Variants in GBE1 observed in about 807,000 individuals in gnomAD.
GBE1 encodes the protein 1,4-alpha-glucan-branching enzyme.
GBE1 carries 70 observed loss-of-function variants against 88.8 expected under a neutral mutation model. That is an observed-to-expected ratio of 0.79 (90% confidence interval 0.65 to 0.96). The LOEUF (loss-of-function observed/expected upper bound fraction) is 0.96. GBE1 is among the 40% of genes least tolerant of loss of function. The pLI is 0.00. For missense variants in GBE1, 872 were observed against 871.0 expected (o/e 1.00, Z -0.01); for synonymous variants, 284 against 300.1 (o/e 0.95, Z 0.56).
At position 81,585,510 on chromosome 3, in the gene GBE1, G is replaced by GA. The variant is rs149594264; in HGVS notation, c.1335+581dup. On this transcript the variant is annotated intron_variant, in intron 10 of 15. Transcript: ENST00000429644. ...TTAGTCCTTTAGGCAAACATTAAAT[G>GA]AAAAAAAAACAAAAAACACCAAACT... Among the ~76,000 whole-genome samples, 1,158 of 146,192 alleles carry GA rather than the reference G, an allele frequency of 7.9e-3. 14 individuals carry two copies. Among genetic ancestry groups the GA allele is most frequent in the African/African-American group, 0.024 (940 of 39,828 alleles).
At chr3:81,547,732 G>A (rs1239166208) in intron 12 of GBE1, among the ~76,000 whole-genome samples, 1 of 150,120 alleles carries the variant, frequency 6.7e-6, no homozygotes, top group African/African-American at 2.4e-5. Flanking sequence ...CTCTGTAAAG[G>A]TTTGATTAAT....
chr3:81,580,169 C>T (rs1446367974), intron 11 of GBE1, among the ~76,000 whole-genome samples: 1 of 152,078 alleles, frequency 6.6e-6, no homozygotes, highest in Admixed American at 6.6e-5. Context: ...TTATTGTCTA[C>T]ATTTTAATCT....
At chr3:81,592,143 G>A (rs1703887794) in intron 8 of GBE1, among the ~76,000 whole-genome samples, 1 of 152,062 alleles carries the variant, frequency 6.6e-6, no homozygotes, top group South Asian at 2.1e-4. Flanking sequence ...ATGTGTATGT[G>A]TGTGTGCGCG....
At chr3:81,596,836 G>C (rs1322934536) in intron 7 of GBE1, among the ~76,000 whole-genome samples, 1 of 151,814 alleles carries the variant, frequency 6.6e-6, no homozygotes, top group Admixed American at 6.6e-5. Flanking sequence ...TCTCATACAG[G>C]AATGAACTAG....
Position 81,501,951 on chromosome 3 carries a change from G to A in GBE1, c.1935-2724C>T, listed in dbSNP as rs1463523897. ...TGAGCCCAAGCAATCTGCCCACCTC[G>A]GCCTCTTAAAGTGCTGGGATTAATG... On this transcript the variant is annotated intron_variant, in intron 14 of 15. Coordinates refer to ENST00000429644, the MANE Select transcript of GBE1 (RefSeq NM_000158.4). Among the ~76,000 whole-genome samples, 8 of 150,106 alleles carry A rather than the reference G, an allele frequency of 5.3e-5. No individual in the cohort carries two copies. The East Asian group carries it at 7.8e-4, about 15-fold the overall frequency.
intron 7 of GBE1, among the ~76,000 whole-genome samples, chr3:81,616,593 CTATAACTA>C (rs1704251413): frequency 1.3e-5 from 2 of 152,098 alleles, no homozygotes; most frequent in Admixed American, 1.3e-4. Flanking sequence ...GTCTTGATTA[CTATAACTA>C]TATAAGAGTA....
At chr3:81,728,807 G>T (rs948613723) in intron 1 of GBE1, among the ~76,000 whole-genome samples, 1 of 152,026 alleles carries the variant, frequency 6.6e-6, no homozygotes, top group Admixed American at 6.6e-5. Flanking sequence ...TATACACAAA[G>T]ATGTATAACA....
intron 1 of GBE1, among the ~76,000 whole-genome samples, chr3:81,750,544 T>C (rs1377783138): frequency 1.2e-5 from 1 of 86,048 alleles, no homozygotes; most frequent in Non-Finnish European, 2.0e-5. Context: ...TATACGTATA[T>C]ATATATGTAT....
intron 3 of GBE1, among the ~76,000 whole-genome samples, chr3:81,654,265 A>G (rs1351433139): frequency 2.6e-5 from 4 of 152,168 alleles, no homozygotes; most frequent in African/African-American, 9.6e-5. Context: ...TATTTAGAAC[A>G]TGTCATTTAA....
chr3:81,689,922 A>G (rs918978686), intron 2 of GBE1, among the ~76,000 whole-genome samples: 19 of 152,102 alleles, frequency 1.2e-4, no homozygotes, highest in African/African-American at 4.3e-4. Context: ...GAGGATCCCT[A>G]TTTCCCATTT....
intron 2 of GBE1, among the ~76,000 whole-genome samples, chr3:81,693,804 A>G (rs2107148015): frequency 6.6e-6 from 1 of 152,268 alleles, no homozygotes; most frequent in South Asian, 2.1e-4. Context: ...ATAGTGAATT[A>G]CATGTGAATA....
chr3:81,667,652 T>C (rs1705131827), intron 3 of GBE1, among the ~76,000 whole-genome samples: 1 of 152,212 alleles, frequency 6.6e-6, no homozygotes. Flanking sequence ...GTTTTTAACA[T>C]GAAGGGATGT....
chr3:81,750,560 T>TAC (rs1355760667), intron 1 of GBE1, among the ~76,000 whole-genome samples: 1 of 82,952 alleles, frequency 1.2e-5, no homozygotes, highest in Non-Finnish European at 2.2e-5. Context: ...TGTATATATA[T>TAC]ATGTATATAT....
At chr3:81,618,816 T>G (rs2107008138) in intron 7 of GBE1, among the ~76,000 whole-genome samples, 1 of 152,236 alleles carries the variant, frequency 6.6e-6, no homozygotes, top group African/African-American at 2.4e-5. Context: ...CTTGAAAAAT[T>G]AAGACTACAG....
chr3:81,545,502 C>CA (rs1229553419), intron 12 of GBE1, among the ~76,000 whole-genome samples: 1 of 152,078 alleles, frequency 6.6e-6, no homozygotes, highest in Non-Finnish European at 1.5e-5. Flanking sequence ...ATGAGGCCAA[C>CA]AAAACAGAAC....
At chr3:81,736,239 C>T (rs141553222) in intron 1 of GBE1, among the ~76,000 whole-genome samples, 25 of 152,256 alleles carry the variant, frequency 1.6e-4, no homozygotes, top group Non-Finnish European at 2.4e-4. Context: ...GAGAGGACTG[C>T]ATATAATAAA....
intron 1 of GBE1, among the ~76,000 whole-genome samples, chr3:81,750,969 C>T (rs909554814): frequency 2.0e-5 from 3 of 151,496 alleles, no homozygotes; most frequent in South Asian, 2.1e-4. Context: ...TCAGCCACTG[C>T]GCCTGGCAAC....
chr3:81,619,435 A>G (rs942870282), intron 7 of GBE1, among the ~76,000 whole-genome samples: 2 of 152,168 alleles, frequency 1.3e-5, no homozygotes, highest in African/African-American at 4.8e-5. Context: ...TAAGGGTACA[A>G]CTATAGATTA....
chr3:81,495,809 A>T (rs910339613), intron 15 of GBE1, among the ~76,000 whole-genome samples: 2 of 152,224 alleles, frequency 1.3e-5, no homozygotes, highest in Non-Finnish European at 2.9e-5. Flanking sequence ...AAAGTGATAC[A>T]TCTATGCCAA....
Sources: gnomAD v4.1 joint callset for allele counts (sites outside exome capture counted in the v4.1 genomes callset) on GRCh38, gnomAD v4.1.1 for gene constraint, MANE v1.5 for transcripts, NCBI Gene and HGNC (gene_info 2026-07-23, HGNC 2026-07-21) for gene names.